The following CD300LB variants were observed in gnomAD, a reference collection of about 807,000 sequenced individuals.
The protein encoded by CD300LB is CMRF35-like molecule 7.
Under a neutral mutation model 20.8 loss-of-function variants are expected in CD300LB, and 18 were observed. The ratio of observed to expected loss-of-function variants is 0.87; its 90% confidence interval spans 0.60 to 1.28. CD300LB has a LOEUF of 1.28. Ranked by LOEUF, CD300LB falls within the 50% of genes most tolerant of loss-of-function variation. The pLI is 0.00. For synonymous variants in CD300LB, 91 were observed against 91.3 expected, an observed-to-expected ratio of 1.00 and a Z score of 0.02; for missense variants, 222 against 251.8, an observed-to-expected ratio of 0.88 and a Z score of 0.80.
In CD300LB at chr17:74,522,591, A is replaced by T; in HGVS notation, c.*147T>A. ...AGTCCCTGAGCTGTGCAGAACAGGGAGGTGCCCACCAGCTCCAAGGCCAGG... is the reference window on the plus strand; with the variant it reads ...AGTCCCTGAGCTGTGCAGAACAGGGTGGTGCCCACCAGCTCCAAGGCCAGG... On this transcript the variant is annotated 3_prime_UTR_variant, in exon 4 of 4. Coordinates refer to ENST00000392621, the MANE Select transcript of CD300LB (RefSeq NM_174892.4). 6.8e-7 allele frequency: 1 copy of T among 1,465,466 alleles called. No individual in the cohort carries two copies. Among genetic ancestry groups the T allele is most frequent in the South Asian group, 1.4e-5 (1 of 71,742 alleles). 90.8% of individuals were successfully genotyped at this position (1,465,466 alleles called of 1,614,324 possible). A position where few individuals can be genotyped will look rare whatever the true frequency, so the allele number is the denominator to read the frequency against.
chr17:74,526,253 C>T (rs946208739), intron 1 of CD300LB, among the ~76,000 whole-genome samples, 176 bp from the exon 2 acceptor site: 3 of 152,212 alleles, frequency 2.0e-5, no homozygotes, highest in Non-Finnish European at 4.4e-5. Flanking sequence ...GTCTCTAGCA[C>T]ACCCGATTCC....
At position 74,521,313 on chromosome 17, in the gene CD300LB, G is replaced by T. The variant is rs760215656; in HGVS notation, c.*1425C>A. On this transcript the variant is annotated 3_prime_UTR_variant, in exon 4 of 4. Transcript: ENST00000392621. ...ACCATGCTTTGGCTTTCCCTCCCGC[G>T]GAGCGGTGCCGTCCTCCCTGGGTCT... 1.0e-6 allele frequency: 1 copy of T among 979,962 alleles called. No individual in the cohort carries two copies. The highest frequency in any genetic ancestry group is 1.2e-6 in the Non-Finnish European group (1 of 824,936). 60.7% of individuals were successfully genotyped at this position (979,962 alleles called of 1,614,324 possible).
chr17:74,531,345 C>G lies in CD300LB; in HGVS notation c.6G>C (p.Trp2Cys). Residue 2 changes from tryptophan (W) to cysteine (C), a missense_variant, in exon 1 of 4, where the codon TGG becomes TGC. Physicochemically the swap from Trp to Cys is radical, Grantham distance 215. Transcript: ENST00000392621. Reference protein sequence around the residue: MWLPPALLLLSL... With the variant: MCLPPALLLLSL... The stretch of plus-strand genomic sequence containing the variant: ...TGAGAAGGAGCAGAGCAGGGGGCAG[C>G]CACATGGCTCTGCCTTCCCGGCTCC... The G allele has an allele frequency of 6.2e-7, 1 of 1,609,184 alleles. No individual in the cohort carries two copies. Among genetic ancestry groups the G allele is most frequent in the Non-Finnish European group, 8.5e-7 (1 of 1,177,572 alleles).
At position 74,523,617 on chromosome 17, in the gene CD300LB, G is replaced by C; in HGVS notation, c.405C>G (p.Thr135=). ...CGATGAACACTGCCATATTGCTGTT[G>C]GTAGGTGAGCTTGCTGTTGTGGAAG... is the stretch of plus-strand genomic sequence containing the variant. ...GAASTTASSP[T]NSNMAVFIGS... is the part of the protein sequence containing the mutation. The change falls in exon 3 of 4, where the codon ACC becomes ACG. Residue 135 remains threonine (T), a synonymous_variant. Coordinates refer to ENST00000392621, the MANE Select transcript of CD300LB (RefSeq NM_174892.4). The C allele has an allele frequency of 6.2e-7, 1 of 1,613,624 alleles. No homozygotes were observed.
In CD300LB at chr17:74,523,032, A is replaced by G. The variant is rs1907930749; in HGVS notation, c.444-132T>C. The G allele has an allele frequency of 7.3e-6, 6 of 827,100 alleles. No homozygotes were observed. The Admixed American group carries it at 1.4e-4, about 20-fold the overall frequency. The allele number at this position is 827,100 out of a possible 1,614,324, so 51.2% of individuals were successfully genotyped here. The stretch of plus-strand genomic sequence containing the variant: ...GCAGCCCCACTCTGAAGATTCCTGT[A>G]AACCTCCTCCTTGGTTCAACCTCAA... On this transcript the variant is annotated intron_variant, in intron 3 of 3. Coordinates refer to ENST00000392621, the MANE Select transcript of CD300LB (RefSeq NM_174892.4).
intron 2 of CD300LB, among the ~76,000 whole-genome samples, chr17:74,524,904 C>G (rs1285078119): frequency 6.6e-6 from 1 of 152,186 alleles, no homozygotes; most frequent in African/African-American, 2.4e-5. Flanking sequence ...CTTGCTTGAC[C>G]CTTTCTGGAC....
Position 74,523,584 on chromosome 17 carries a change from G to C in CD300LB, c.438C>G (p.His146Gln). Residue 146 changes from histidine to glutamine, a missense_variant, in exon 3 of 4, where the codon CAC (histidine) becomes CAG (glutamine). By Grantham distance (24) the His-to-Gln change is conservative (BLOSUM62 0). Coordinates refer to ENST00000392621, the MANE Select transcript of CD300LB (RefSeq NM_174892.4). ...NSNMAVFIGS[H>Q]KRNHYMLLVF... Reference sequence around the variant, plus strand: ...GAAAGAACCACATGACTCACCTCTTGTGGGAGCCGATGAACACTGCCATAT... The same window carrying C: ...GAAAGAACCACATGACTCACCTCTTCTGGGAGCCGATGAACACTGCCATAT... 1 of 1,611,204 alleles carries C rather than the reference G, an allele frequency of 6.2e-7. No homozygotes were observed. The highest frequency in any genetic ancestry group is 8.5e-7 in the Non-Finnish European group (1 of 1,177,332).
rs750343010 is a variant in CD300LB, at chr17:74,525,956, G to C, written c.162C>G (p.Arg54=). 9 of 1,613,942 alleles carry C rather than the reference G, an allele frequency of 5.6e-6. No homozygotes were observed. The East Asian group carries it at 2.0e-4, about 36-fold the overall frequency. The change falls in exon 2 of 4, where the codon CGC becomes CGG. Residue 54 remains arginine, a synonymous_variant. Coordinates refer to ENST00000392621, the MANE Select transcript of CD300LB (RefSeq NM_174892.4). ...CAATGAGGATCTTGCATGTATCCCA[G>C]CGCACCCCTCGGCACCACCACTTAA... ...TYIKWWCRGV[R]WDTCKILIET... is the part of the protein sequence containing the mutation.
chr17:74,529,796 A>AAAAAAC (rs1052021882), intron 1 of CD300LB, among the ~76,000 whole-genome samples: 4 of 152,226 alleles, frequency 2.6e-5, no homozygotes, highest in Admixed American at 1.3e-4. Flanking sequence ...TCTCAAAAAC[A>AAAAAAC]AAAAACAAAA....
At chr17:74,523,093 C>A (rs371637426) in intron 3 of CD300LB, 193 bp from the exon 4 acceptor site, 2 of 584,642 alleles carry the variant, frequency 3.4e-6, no homozygotes, top group African/African-American at 1.9e-5. Context: ...TGGTTTTGCA[C>A]GGGGCCCATC....
At chr17:74,525,154 C>T (rs1907992152) in intron 2 of CD300LB, among the ~76,000 whole-genome samples, 1 of 152,086 alleles carries the variant, frequency 6.6e-6, no homozygotes, top group Non-Finnish European at 1.5e-5. Flanking sequence ...TCAGTAGAGT[C>T]CAAGGCATGG....
intron 1 of CD300LB, among the ~76,000 whole-genome samples, chr17:74,530,591 A>ACACACACC (rs879389543): frequency 1.5e-3 from 222 of 146,862 alleles, no homozygotes; most frequent in African/African-American, 5.5e-3. Flanking sequence ...ACACACACAC[A>ACACACACC]CCCAACTCTC....
rs1330364337 is a variant in CD300LB, at chr17:74,522,083, G to A, written c.*655C>T. 1 of 985,294 alleles carries A rather than the reference G, an allele frequency of 1.0e-6. No homozygotes were observed. The highest frequency in any genetic ancestry group is 1.7e-5 in the African/African-American group (1 of 57,196). 61.0% of individuals were successfully genotyped at this position (985,294 alleles called of 1,614,324 possible). The stretch of plus-strand genomic sequence containing the variant: ...CAGGGAGCTTGGGGAGCTAGGAGGA[G>A]GAAGAGGTGGGAGGGGGAGGACAAG... On this transcript the variant is annotated 3_prime_UTR_variant, in exon 4 of 4. Coordinates refer to ENST00000392621, the MANE Select transcript of CD300LB (RefSeq NM_174892.4).
rs763129538 is a variant in CD300LB, at chr17:74,525,860, C to T, written c.258G>A (p.Thr86=). Residue 86 remains threonine, a synonymous_variant, in exon 2 of 4, where the codon ACG becomes ACA. Transcript: ENST00000392621. ...TGAGCCCCTCCATGGTCACAGTGAA[C>T]GTGCGGTCTTTCTGATTGTCCTTGA... ...VSIKDNQKDR[T]FTVTMEGLRR... is the part of the protein sequence containing the mutation. 55 of 1,614,050 alleles carry T rather than the reference C, an allele frequency of 3.4e-5. No individual in the cohort carries two copies. Among genetic ancestry groups the T allele is most frequent in the East Asian group, 4.5e-5 (2 of 44,886 alleles).
chr17:74,523,475 C>G, intron 3 of CD300LB, 104 bp downstream of exon 3: 1 of 828,040 alleles, frequency 1.2e-6, no homozygotes, highest in South Asian at 1.3e-5. Context: ...TTGACTCTGG[C>G]TAGAACAGGT....
At chr17:74,528,374 G>C (rs1340388411) in intron 1 of CD300LB, among the ~76,000 whole-genome samples, 2 of 151,992 alleles carry the variant, frequency 1.3e-5, no homozygotes, top group African/African-American at 2.4e-5. Flanking sequence ...ACCACGCCAG[G>C]CTCTGGTCTT....
chr17:74,526,030 C>A lies in CD300LB; in HGVS notation c.88G>T (p.Gly30Trp), dbSNP rs761612833. ...TAGTGGCATTGAACCGTCAGGGACC[C>A]CTGCTCTGGGGCTCTCACAGACTCT... ...GPESVRAPEQ[G>W]SLTVQCHYKQ... The change falls in exon 2 of 4, where the codon GGG (glycine) becomes TGG (tryptophan). Residue 30 changes from glycine to tryptophan, a missense_variant. By Grantham distance (184) the Gly-to-Trp change is radical. Transcript: ENST00000392621. 2.3e-5 allele frequency: 37 copies of A among 1,614,072 alleles called. No homozygotes were observed. The South Asian group carries it at 3.8e-4, about 17-fold the overall frequency.
In CD300LB at chr17:74,521,850, G is replaced by C. The variant is rs1297248170; in HGVS notation, c.*888C>G. ...CGTGGGTGAAGCCTGTGAGGAGACA[G>C]AACCACTTCCCTAGGACAGTTTTCA... On this transcript the variant is annotated 3_prime_UTR_variant, in exon 4 of 4. Transcript: ENST00000392621. The C allele has an allele frequency of 1.0e-6, 1 of 985,362 alleles. No homozygotes were observed. Among genetic ancestry groups the C allele is most frequent in the African/African-American group, 1.7e-5 (1 of 57,222 alleles). The allele number at this position is 985,362 out of a possible 1,614,324, so 61.0% of individuals were successfully genotyped here.
At position 74,522,369 on chromosome 17, in the gene CD300LB, G is replaced by A. The variant is rs1008864208; in HGVS notation, c.*369C>T. 2.3e-5 allele frequency: 23 copies of A among 1,011,308 alleles called. No homozygotes were observed. The highest frequency in any genetic ancestry group is 1.3e-4 in the South Asian group (3 of 22,868). 62.6% of individuals were successfully genotyped at this position (1,011,308 alleles called of 1,614,324 possible). Reference sequence around the variant, plus strand: ...CAAAGACGGTGTTGAGTTGGTCTCCGGAATGATGGAAGTCTAGGGCTGGGG... The same window carrying A: ...CAAAGACGGTGTTGAGTTGGTCTCCAGAATGATGGAAGTCTAGGGCTGGGG... On this transcript the variant is annotated 3_prime_UTR_variant, in exon 4 of 4. Coordinates refer to ENST00000392621, the MANE Select transcript of CD300LB (RefSeq NM_174892.4).
Sources: gnomAD v4.1 joint callset for allele counts (sites outside exome capture counted in the v4.1 genomes callset) on GRCh38, gnomAD v4.1.1 for gene constraint, MANE v1.5 for transcripts, NCBI Gene and HGNC (gene_info 2026-07-23, HGNC 2026-07-21) for gene names.